GALNT18: variants seen among roughly 807,000 people sequenced by gnomAD.
GALNT18 encodes GalNAc-transferase 18.
A neutral mutation model predicts 69.5 loss-of-function variants in GALNT18; 44 were observed. The observed-to-expected ratio is 0.63, with a 90% CI of 0.50 to 0.81. The LOEUF (loss-of-function observed/expected upper bound fraction) is 0.81. Among genes scored for constraint, GALNT18 ranks in the 40% least tolerant of loss-of-function variants. The pLI, the probability that GALNT18 is intolerant of heterozygous loss-of-function variation, is 0.00. For synonymous variants in GALNT18, 364 were observed against 318.2 expected, an observed-to-expected ratio of 1.14 and a Z score of -1.53; for missense variants, 715 against 810.0, an observed-to-expected ratio of 0.88 and a Z score of 1.42.
intron 1 of GALNT18, among the ~76,000 whole-genome samples, chr11:11,462,505 C>A (rs1856068681): frequency 6.6e-6 from 1 of 151,896 alleles, no homozygotes; most frequent in Non-Finnish European, 1.5e-5. Flanking sequence ...GTTGGCCAGG[C>A]TGGTCTCGAA....
intron 2 of GALNT18, among the ~76,000 whole-genome samples, chr11:11,441,658 G>A (rs531947820): frequency 3.3e-5 from 5 of 152,306 alleles, no homozygotes; most frequent in African/African-American, 1.2e-4. Context: ...TGTATGTTAA[G>A]CATTTGTACA....
At chr11:11,300,400 C>G (rs1274762786) in intron 9 of GALNT18, among the ~76,000 whole-genome samples, 3 of 152,172 alleles carry the variant, frequency 2.0e-5, no homozygotes, top group Non-Finnish European at 4.4e-5. Flanking sequence ...TAGAACCCAT[C>G]ATAAGGGAGA....
In GALNT18 at chr11:11,428,568, C is replaced by T. The variant is rs544318355; in HGVS notation, c.595+4053G>A. Among the ~76,000 whole-genome samples, 7 of 152,314 alleles carry T rather than the reference C, an allele frequency of 4.6e-5. No individual in the cohort carries two copies. In the South Asian group the frequency reaches 6.2e-4, roughly 14 times the overall value. On this transcript the variant is annotated intron_variant, in intron 3 of 10. Transcript: ENST00000227756. Reference sequence around the variant, plus strand: ...AGGAGAAAGACAAGTCCTTTATTTTCGGAGGCAACTCTTGCTTCTGTGCCC... The same window carrying T: ...AGGAGAAAGACAAGTCCTTTATTTTTGGAGGCAACTCTTGCTTCTGTGCCC...
chr11:11,477,586 C>A (rs375514741), intron 1 of GALNT18, among the ~76,000 whole-genome samples: 5 of 152,182 alleles, frequency 3.3e-5, no homozygotes, highest in African/African-American at 1.2e-4. Flanking sequence ...CTGGGAGAGA[C>A]AAGCAGGAAC....
intron 1 of GALNT18, among the ~76,000 whole-genome samples, chr11:11,535,406 A>G (rs1857752126): frequency 6.6e-6 from 1 of 152,360 alleles, no homozygotes; most frequent in Non-Finnish European, 1.5e-5. Flanking sequence ...TGTGAAGATT[A>G]TTTGAAATAA....
In GALNT18 at chr11:11,339,004, G is replaced by A. The variant is rs1344926369; in HGVS notation, c.1278+1815C>T. Among the ~76,000 whole-genome samples the A allele has an allele frequency of 6.6e-6, 1 of 152,218 alleles. No homozygotes were observed. Among genetic ancestry groups the A allele is most frequent in the Non-Finnish European group, 1.5e-5 (1 of 68,046 alleles). On this transcript the variant is annotated intron_variant, in intron 7 of 10. Coordinates refer to ENST00000227756, the MANE Select transcript of GALNT18 (RefSeq NM_198516.3). The surrounding 1 kb of genome is among the most constrained non-coding windows in gnomAD (Gnocchi z 5.2). The stretch of plus-strand genomic sequence containing the variant: ...TAAATTAAGCATTTGGGAGGCCTAT[G>A]TTGACCTTGACAAAGCAGTCTTGAT...
chr11:11,352,309 C>T (rs1470198598), intron 6 of GALNT18: 1 of 1,613,970 alleles, frequency 6.2e-7, no homozygotes. Flanking sequence ...CCCAAGATAT[C>T]ATTGAAACGT....
intron 10 of GALNT18, among the ~76,000 whole-genome samples, chr11:11,291,608 G>A (rs1203551670): frequency 1.3e-5 from 2 of 149,938 alleles, no homozygotes; most frequent in Non-Finnish European, 2.9e-5. Context: ...CCCTTTCATT[G>A]AACCCCCGAC....
Position 11,379,226 on chromosome 11 carries a change from C to G in GALNT18, c.634G>C (p.Val212Leu). 1 of 1,613,254 alleles carries G rather than the reference C, an allele frequency of 6.2e-7. No homozygotes were observed. Among genetic ancestry groups the G allele is most frequent in the Non-Finnish European group, 8.5e-7 (1 of 1,179,966 alleles). Reference sequence around the variant, plus strand: ...ATGAAGCCTGGCTTCTGGCTGTTCACCTTGTCCACATATTCGGTCAGCTTC... The same window carrying G: ...ATGAAGCCTGGCTTCTGGCTGTTCAGCTTGTCCACATATTCGGTCAGCTTC... Reference protein sequence around the residue: ...KEKLTEYVDKVNSQKPGFIKV... With the variant: ...KEKLTEYVDKLNSQKPGFIKV... The change falls in exon 4 of 11, where the codon GTG becomes CTG. Residue 212 changes from valine to leucine, a missense_variant. Coordinates refer to ENST00000227756, the MANE Select transcript of GALNT18 (RefSeq NM_198516.3).
At position 11,341,902 on chromosome 11, in the gene GALNT18, G is replaced by A. The variant is rs527816411; in HGVS notation, c.1093-898C>T. On this transcript the variant is annotated intron_variant, in intron 6 of 10. Transcript: ENST00000227756. This position sits in a 1 kb window ranked among gnomAD's most constrained non-coding sequence, Gnocchi z 6.3. ...TTTGGGAGGCTAAGGTGGGAGAATC[G>A]CTTGAGCCCAGGAGTGTGAGACAAG... is the stretch of plus-strand genomic sequence containing the variant. Among the ~76,000 whole-genome samples, 34 of 152,200 alleles carry A rather than the reference G, an allele frequency of 2.2e-4. No homozygotes were observed. The highest frequency in any genetic ancestry group is 3.9e-4 in the East Asian group (2 of 5,164).
intron 1 of GALNT18, among the ~76,000 whole-genome samples, chr11:11,458,108 G>A (rs553804074): frequency 6.6e-6 from 1 of 152,240 alleles, no homozygotes; most frequent in South Asian, 2.1e-4. Flanking sequence ...TTCCCTCCCC[G>A]CTTCTGGGTC....
rs1859715226 is a variant in GALNT18, at chr11:11,605,014, C to T, written c.235+16345G>A. ...CAATTTTTCCCCTATGTCTACTATG[C>T]CCTCTTCCACGCTACTGCCTAAATG... On this transcript the variant is annotated intron_variant, in intron 1 of 10. Transcript: ENST00000227756. This position sits in a 1 kb window ranked among gnomAD's most constrained non-coding sequence, Gnocchi z 4.7. 6.6e-6 allele frequency among the ~76,000 whole-genome samples: 1 copy of T among 152,200 alleles called. No homozygotes were observed. The highest frequency in any genetic ancestry group is 6.5e-5 in the Admixed American group (1 of 15,288).
At chr11:11,295,049 G>A (rs72861812) in intron 9 of GALNT18, among the ~76,000 whole-genome samples, 47,898 of 152,088 alleles carry the variant, frequency 0.31, 7,906 homozygotes, top group Non-Finnish European at 0.36. Context: ...AGCAAAAGAG[G>A]GTGGTTGACA....
intron 5 of GALNT18, among the ~76,000 whole-genome samples, chr11:11,374,840 G>A (rs1853701790): frequency 6.6e-6 from 1 of 152,226 alleles, no homozygotes; most frequent in African/African-American, 2.4e-5. Flanking sequence ...CAGAACCAAG[G>A]TCCTCTCTCA....
chr11:11,567,664 G>A (rs753597777), intron 1 of GALNT18, among the ~76,000 whole-genome samples: 3 of 152,130 alleles, frequency 2.0e-5, no homozygotes, highest in Non-Finnish European at 4.4e-5. Context: ...GCCAGCTCAG[G>A]TGCATATCCT....
At chr11:11,300,621 T>C (rs970675326) in intron 9 of GALNT18, among the ~76,000 whole-genome samples, 1 of 152,090 alleles carries the variant, frequency 6.6e-6, no homozygotes, top group Non-Finnish European at 1.5e-5. Context: ...TTGCAAACTT[T>C]TACGATTGGA....
At position 11,404,902 on chromosome 11, in the gene GALNT18, C is replaced by T. The variant is rs1054920255; in HGVS notation, c.596-25638G>A. Among the ~76,000 whole-genome samples the T allele has an allele frequency of 6.6e-6, 1 of 152,174 alleles. No homozygotes were observed. The highest frequency in any genetic ancestry group is 1.5e-5 in the Non-Finnish European group (1 of 68,046). On this transcript the variant is annotated intron_variant, in intron 3 of 10. Coordinates refer to ENST00000227756, the MANE Select transcript of GALNT18 (RefSeq NM_198516.3). This position sits in a 1 kb window ranked among gnomAD's most constrained non-coding sequence, Gnocchi z 4.5. ...GGACTCCACTCCCAGCCCATGGCCA[C>T]CCAGGCCAATCATGTTTCCTAGAGC...
chr11:11,422,322 A>T (rs2133776590), intron 3 of GALNT18, among the ~76,000 whole-genome samples: 1 of 152,376 alleles, frequency 6.6e-6, no homozygotes, highest in East Asian at 1.9e-4. Context: ...TCAGGCAGCA[A>T]GGAGCAACAA....
At chr11:11,398,963 G>A (rs1257025528) in intron 3 of GALNT18, among the ~76,000 whole-genome samples, 1 of 152,144 alleles carries the variant, frequency 6.6e-6, no homozygotes, top group Non-Finnish European at 1.5e-5. Flanking sequence ...GAGTGAGAGG[G>A]AGCTGGAGCT....
Sources: gnomAD v4.1 joint callset for allele counts (sites outside exome capture counted in the v4.1 genomes callset) on GRCh38, gnomAD v4.1.1 for gene constraint, Gnocchi (gnomAD v3.1) non-coding constraint, MANE v1.5 for transcripts, NCBI Gene and HGNC (gene_info 2026-07-23, HGNC 2026-07-21) for gene names.